The following R3HDM1 variants were observed in gnomAD, a reference collection of about 807,000 sequenced individuals.
R3HDM1 encodes R3H domain-containing protein 1.
In R3HDM1, 46 loss-of-function variants were observed where a neutral mutation model predicts 141.1. The observed-to-expected ratio is 0.33, with a 90% confidence interval of 0.26 to 0.42. The LOEUF is 0.42. Ranked by LOEUF, R3HDM1 falls within the 10% of genes least tolerant of loss-of-function variation. The pLI is 1.00. For synonymous variants in R3HDM1, 435 were observed against 472.9 expected (o/e 0.92, Z 1.04); for missense variants, 1,184 against 1,368.3 (o/e 0.87, Z 2.12).
intron 16 of R3HDM1, among the ~76,000 whole-genome samples, chr2:135,646,879 C>CT: frequency 9.1e-6 from 1 of 109,704 alleles, no homozygotes; most frequent in Admixed American, 1.0e-4. Flanking sequence ...GTGAGTATCC[C>CT]TTAAAAAAAA....
intron 21 of R3HDM1, among the ~76,000 whole-genome samples, chr2:135,704,849 TTAATA>T (rs930782372): frequency 7.2e-5 from 11 of 152,244 alleles, no homozygotes; most frequent in Non-Finnish European, 1.6e-4. Flanking sequence ...TAAAAATTCA[TTAATA>T]TAATTTAATG....
intron 1 of R3HDM1, among the ~76,000 whole-genome samples, chr2:135,565,359 ATTATT>A (rs1398785509): frequency 2.8e-5 from 4 of 141,998 alleles, no homozygotes; most frequent in African/African-American, 8.2e-5. Context: ...TATTATTATT[ATTATT>A]TTTAAATTTA....
chr2:135,651,179 C>G, intron 17 of R3HDM1: 1 of 984,912 alleles, frequency 1.0e-6, no homozygotes, highest in Non-Finnish European at 1.2e-6. Flanking sequence ...AATGTATGGC[C>G]AAATTATTTT....
intron 1 of R3HDM1, among the ~76,000 whole-genome samples, chr2:135,559,757 A>G (rs1435158764): frequency 2.6e-5 from 4 of 152,168 alleles, no homozygotes; most frequent in Admixed American, 1.3e-4. Context: ...GGAACTGTCT[A>G]TCTCCATGAA....
intron 24 of R3HDM1, among the ~76,000 whole-genome samples, chr2:135,717,489 A>G (rs1306949932): frequency 6.6e-6 from 1 of 152,054 alleles, no homozygotes; most frequent in African/African-American, 2.4e-5. Context: ...CATCTCAAAA[A>G]AAAAAAGAAG....
intron 1 of R3HDM1, among the ~76,000 whole-genome samples, chr2:135,537,313 T>C (rs1407202335): frequency 7.6e-6 from 1 of 131,902 alleles, no homozygotes; most frequent in Admixed American, 8.3e-5. Context: ...TGAGATGAAG[T>C]CTTGCTCTGT....
At chr2:135,537,825 T>C (rs1696571078) in intron 1 of R3HDM1, among the ~76,000 whole-genome samples, 1 of 151,972 alleles carries the variant, frequency 6.6e-6, no homozygotes, top group South Asian at 2.1e-4. Context: ...CCCAGTGGGT[T>C]CTCATTTTAA....
At chr2:135,712,704 G>A (rs1050369539) in intron 23 of R3HDM1, among the ~76,000 whole-genome samples, 55 of 151,146 alleles carry the variant, frequency 3.6e-4, no homozygotes, top group African/African-American at 1.1e-3. Context: ...GGAGGATTAC[G>A]AGATCAGGAG....
intron 26 of R3HDM1, among the ~76,000 whole-genome samples, chr2:135,723,102 G>C (rs1017428770): frequency 6.6e-6 from 1 of 151,878 alleles, no homozygotes; most frequent in Non-Finnish European, 1.5e-5. Context: ...GACATCAGTA[G>C]CTTAATTTTA....
intron 21 of R3HDM1, among the ~76,000 whole-genome samples, chr2:135,691,143 A>T (rs955950382): frequency 1.3e-5 from 2 of 152,254 alleles, no homozygotes; most frequent in Non-Finnish European, 2.9e-5. Flanking sequence ...AAAATATTTG[A>T]AATTTCAAGT....
intron 1 of R3HDM1, among the ~76,000 whole-genome samples, chr2:135,577,576 C>T (rs2105017098): frequency 2.0e-5 from 3 of 152,152 alleles, no homozygotes; most frequent in Admixed American, 2.0e-4. Flanking sequence ...AAGCTCACGC[C>T]TGTAATCCCA....
At chr2:135,590,663 A>T in intron 1 of R3HDM1, 1 of 985,234 alleles carries the variant, frequency 1.0e-6, no homozygotes, top group South Asian at 4.7e-5. Context: ...CTACATGTAT[A>T]GTATGTAGTG....
intron 18 of R3HDM1, among the ~76,000 whole-genome samples, chr2:135,658,085 G>A (rs2066159220): frequency 6.6e-6 from 1 of 152,198 alleles, no homozygotes; most frequent in Admixed American, 6.5e-5. Context: ...TATCACAATG[G>A]TAAGTATTTG....
chr2:135,618,462 G>GA (rs1388078959), intron 5 of R3HDM1, among the ~76,000 whole-genome samples: 3 of 112,310 alleles, frequency 2.7e-5, no homozygotes, highest in African/African-American at 1.4e-4. Flanking sequence ...GCGCCCGGCT[G>GA]ATTTTTTTTT....
At chr2:135,603,219 G>C (rs1050406862) in intron 2 of R3HDM1, among the ~76,000 whole-genome samples, 12 of 152,080 alleles carry the variant, frequency 7.9e-5, no homozygotes, top group Admixed American at 5.2e-4. Context: ...CAAACTCTTG[G>C]CCTCAAGTGA....
chr2:135,719,644 C>T (rs2076515928), intron 24 of R3HDM1, among the ~76,000 whole-genome samples: 1 of 152,034 alleles, frequency 6.6e-6, no homozygotes, highest in African/African-American at 2.4e-5. Flanking sequence ...TCTATCTATA[C>T]TTTTATATAC....
At chr2:135,594,199 T>C (rs1035500865) in intron 1 of R3HDM1, among the ~76,000 whole-genome samples, 1 of 152,234 alleles carries the variant, frequency 6.6e-6, no homozygotes, top group Non-Finnish European at 1.5e-5. Flanking sequence ...TCATTTAAAC[T>C]AGGATCACTG....
intron 1 of R3HDM1, among the ~76,000 whole-genome samples, chr2:135,597,518 A>G (rs762634481): frequency 5.3e-5 from 8 of 152,236 alleles, no homozygotes; most frequent in Non-Finnish European, 1.2e-4. Flanking sequence ...GCATTTGAAC[A>G]ATTTGGTTGT....
intron 1 of R3HDM1, among the ~76,000 whole-genome samples, chr2:135,579,595 C>CG (rs371620854): frequency 0.031 from 2,706 of 86,766 alleles, 93 homozygotes; most frequent in East Asian, 0.13. Context: ...TATGGGGTGG[C>CG]GGGGGGGGGT....
Sources: gnomAD v4.1 joint callset for allele counts (sites outside exome capture counted in the v4.1 genomes callset) on GRCh38, gnomAD v4.1.1 for gene constraint, MANE v1.5 for transcripts, NCBI Gene and HGNC (gene_info 2026-07-23, HGNC 2026-07-21) for gene names.